MOB4: variants seen among roughly 807,000 people sequenced by gnomAD.
MOB4 encodes the protein MOB family member 4, phocein.
MOB4 carries 4 observed loss-of-function variants against 32.2 expected under a neutral mutation model. The observed-to-expected ratio is 0.12, with a 90% CI of 0.06 to 0.28. MOB4 has a LOEUF of 0.28. MOB4 is among the 10% of genes least tolerant of loss of function. The probability of loss-of-function intolerance (pLI) is 1.00; values close to 1 mark genes in which losing one functional copy is unlikely to be tolerated. For synonymous variants in MOB4, 88 were observed against 88.1 expected, an observed-to-expected ratio of 1.00 and a Z score of 0.01; for missense variants, 158 against 271.2, an observed-to-expected ratio of 0.58 and a Z score of 2.93.
At chr2:197,549,126 G>A (rs1559326091) in intron 6 of MOB4, among the ~76,000 whole-genome samples, 1 of 152,070 alleles carries the variant, frequency 6.6e-6, no homozygotes, top group African/African-American at 2.4e-5. Flanking sequence ...CACTTGGGAG[G>A]CTGAGGCAGG....
intron 1 of MOB4, among the ~76,000 whole-genome samples, chr2:197,519,137 C>G (rs2086469836): frequency 6.6e-6 from 1 of 151,706 alleles, no homozygotes; most frequent in Non-Finnish European, 1.5e-5. Context: ...CTCAAGTGAT[C>G]TTCCCGCCTC....
At chr2:197,542,217 G>C (rs1383803888) in intron 5 of MOB4, among the ~76,000 whole-genome samples, 1 of 152,174 alleles carries the variant, frequency 6.6e-6, no homozygotes, top group African/African-American at 2.4e-5. Flanking sequence ...AATATTAAAT[G>C]ACAGGATAGT....
In MOB4 at chr2:197,532,652, C is replaced by T. The variant is rs148946765; in HGVS notation, c.124-2878C>T. ...AGTGAGCCGAGATAGCGCCACTGCA[C>T]TCTAGCCTGGGCGACAGAACGAAAC... On this transcript the variant is annotated intron_variant, in intron 2 of 7. Transcript: ENST00000323303. 3.0e-3 allele frequency among the ~76,000 whole-genome samples: 463 copies of T among 152,156 alleles called. 5 individuals carry two copies. The highest frequency in any genetic ancestry group is 8.4e-3 in the African/African-American group (350 of 41,512).
At chr2:197,537,967 A>G (rs886216818) in intron 3 of MOB4, among the ~76,000 whole-genome samples, 2 of 152,040 alleles carry the variant, frequency 1.3e-5, no homozygotes, top group Non-Finnish European at 2.9e-5. Context: ...TTTAGTAGAG[A>G]TGGGGTTTCA....
chr2:197,518,990 T>C (rs920737654), intron 1 of MOB4, among the ~76,000 whole-genome samples: 3 of 151,942 alleles, frequency 2.0e-5, no homozygotes, highest in Non-Finnish European at 4.4e-5. Context: ...GATCTCCTGA[T>C]CTCGTGATCC....
intron 2 of MOB4, among the ~76,000 whole-genome samples, chr2:197,524,543 AAAAACAAAAAC>A (rs1559315132): frequency 6.7e-6 from 1 of 150,230 alleles, no homozygotes; most frequent in African/African-American, 2.5e-5. Flanking sequence ...AAAAAAAAAA[AAAAACAAAAAC>A]AAAAACAAAA....
intron 3 of MOB4, among the ~76,000 whole-genome samples, chr2:197,538,795 G>A (rs3792160): frequency 0.67 from 101,665 of 152,098 alleles, 34,285 homozygotes; most frequent in Middle Eastern, 0.85. Context: ...ATTACCACTT[G>A]GTGGAAAACA....
At chr2:197,529,600 C>A (rs1396360943) in intron 2 of MOB4, among the ~76,000 whole-genome samples, 1 of 152,078 alleles carries the variant, frequency 6.6e-6, no homozygotes, top group Non-Finnish European at 1.5e-5. Flanking sequence ...GATCCATCCA[C>A]CTCAGCCTCC....
rs183523326 is a variant in MOB4, at chr2:197,527,928, T to C, written c.123+4242T>C. Among the ~76,000 whole-genome samples the C allele has an allele frequency of 5.3e-5, 8 of 150,994 alleles. No homozygotes were observed. The East Asian group carries it at 1.2e-3, about 22-fold the overall frequency. On this transcript the variant is annotated intron_variant, in intron 2 of 7. Coordinates refer to ENST00000323303, the MANE Select transcript of MOB4 (RefSeq NM_015387.5). ...TTGTATATTAATGTAGTATATTGCATTGTTGTTGTTTTTTTAAAAATGTTG... is the reference window on the plus strand; with the variant it reads ...TTGTATATTAATGTAGTATATTGCACTGTTGTTGTTTTTTTAAAAATGTTG...
intron 3 of MOB4, among the ~76,000 whole-genome samples, chr2:197,538,433 G>GTTT: frequency 6.8e-6 from 1 of 147,290 alleles, no homozygotes. Context: ...ATTTGAGGCT[G>GTTT]TATACTTGCC....
intron 1 of MOB4, among the ~76,000 whole-genome samples, chr2:197,519,176 G>A (rs531696313): frequency 1.4e-4 from 21 of 152,320 alleles, no homozygotes; most frequent in African/African-American, 2.6e-4. Flanking sequence ...GATTACAGGC[G>A]CAAGCCACCA....
intron 2 of MOB4, among the ~76,000 whole-genome samples, chr2:197,529,455 G>A (rs1298176356): frequency 6.6e-6 from 1 of 150,846 alleles, no homozygotes; most frequent in Non-Finnish European, 1.5e-5. Context: ...GGGTTCAATC[G>A]ATTCTCCTGC....
intron 2 of MOB4, chr2:197,533,831 T>C (rs2086750570): frequency 3.9e-5 from 24 of 621,850 alleles, no homozygotes; most frequent in South Asian, 3.0e-4. Flanking sequence ...TTAAGACTTT[T>C]AGAATCAAGT....
intron 6 of MOB4, among the ~76,000 whole-genome samples, chr2:197,549,003 C>T (rs1256907696): frequency 2.0e-5 from 3 of 151,938 alleles, no homozygotes; most frequent in African/African-American, 2.4e-5. Context: ...CCGAGGCGTG[C>T]GGATCACCTG....
intron 5 of MOB4, among the ~76,000 whole-genome samples, chr2:197,545,297 C>G (rs999643289): frequency 3.3e-5 from 5 of 152,148 alleles, no homozygotes; most frequent in Non-Finnish European, 7.3e-5. Context: ...TGCATATGAC[C>G]TATGCACATC....
chr2:197,515,690 T>G, upstream of MOB4: 2 of 206,962 alleles, frequency 9.7e-6, no homozygotes, highest in Non-Finnish European at 9.9e-6. Context: ...TGCAGGTGGG[T>G]TTACTGAAAC....
At chr2:197,538,480 A>G (rs758086038) in intron 3 of MOB4, among the ~76,000 whole-genome samples, 7 of 149,882 alleles carry the variant, frequency 4.7e-5, no homozygotes, top group Non-Finnish European at 1.0e-4. Context: ...TAATGATGTT[A>G]ATTTAGATTG....
chr2:197,520,893 T>TAAA (rs77272123), intron 1 of MOB4, among the ~76,000 whole-genome samples: 49 of 107,754 alleles, frequency 4.5e-4, no homozygotes, highest in East Asian at 2.0e-3. Context: ...CCTCGTCTCT[T>TAAA]AAAAAAAAAA....
rs1351560628 is a variant in MOB4 at position 197,551,684 on chromosome 2, C to T, written c.*1038C>T. ...TATTTATTTTACACCCCCTCTCCCACGAAGTTTATGTTTGGATTACATGCA... is the reference window on the plus strand; with the variant it reads ...TATTTATTTTACACCCCCTCTCCCATGAAGTTTATGTTTGGATTACATGCA... On this transcript the variant is annotated 3_prime_UTR_variant, in exon 8 of 8. Transcript: ENST00000323303. 6.6e-6 allele frequency: 1 copy of T among 152,666 alleles called. No homozygotes were observed. Among genetic ancestry groups the T allele is most frequent in the Non-Finnish European group, 1.5e-5 (1 of 68,028 alleles). The allele number at this position is 152,666 out of a possible 1,614,324, so 9.5% of individuals were successfully genotyped here.
Sources: gnomAD v4.1 joint callset for allele counts (sites outside exome capture counted in the v4.1 genomes callset) on GRCh38, gnomAD v4.1.1 for gene constraint, MANE v1.5 for transcripts, NCBI Gene and HGNC (gene_info 2026-07-23, HGNC 2026-07-21) for gene names.